The following FADS2 variants were observed in gnomAD, a reference collection of about 807,000 sequenced individuals.
FADS2 encodes the protein fatty acid desaturase 2, also known as acyl-CoA 6-desaturase.
FADS2 carries 18 observed loss-of-function variants against 61.2 expected under a neutral mutation model. That is an observed-to-expected ratio of 0.29 (90% CI 0.20 to 0.44). The LOEUF (loss-of-function observed/expected upper bound fraction) is 0.44. Among genes scored for constraint, FADS2 ranks in the 20% least tolerant of loss-of-function variants. FADS2 has a pLI of 1.00. For synonymous variants in FADS2, 203 were observed against 223.9 expected, an observed-to-expected ratio of 0.91 and a Z score of 0.83; for missense variants, 322 against 572.7, an observed-to-expected ratio of 0.56 and a Z score of 4.47.
At position 61,857,581 on chromosome 11, in the gene FADS2, AG is replaced by A. The variant is rs762458535; in HGVS notation, c.882+56del. On this transcript the variant is annotated intron_variant, in intron 7 of 11. Coordinates refer to ENST00000278840, the MANE Select transcript of FADS2 (RefSeq NM_004265.4). The stretch of plus-strand genomic sequence containing the variant: ...GCATGGGGAGGAGGGTGACTGGGAC[AG>A]GGGGACCCGGGGGTCCTACGCTGCC... 1.1e-4 allele frequency: 171 copies of A among 1,534,292 alleles called. 2 individuals carry two copies. Among genetic ancestry groups the A allele is most frequent in the South Asian group, 9.8e-4 (88 of 89,460 alleles).
At chr11:61,859,231 A>G (rs2067392116) in intron 7 of FADS2, among the ~76,000 whole-genome samples, 1 of 151,864 alleles carries the variant, frequency 6.6e-6, no homozygotes, top group African/African-American at 2.4e-5. Flanking sequence ...CTAATTTTGT[A>G]TTTTTAGCAG....
intron 7 of FADS2, among the ~76,000 whole-genome samples, chr11:61,859,846 C>T (rs1398281206): frequency 2.0e-5 from 3 of 152,184 alleles, no homozygotes; most frequent in African/African-American, 2.4e-5. Context: ...ATTAGCCTGG[C>T]ATGGTGGTGT....
chr11:61,863,624 TG>T, intron 9 of FADS2, 82 bp from the exon 10 acceptor site: 1 of 1,211,094 alleles, frequency 8.3e-7, no homozygotes, highest in Non-Finnish European at 1.2e-6. Flanking sequence ...CTGGAGACCC[TG>T]GGTAAGGCTG....
chr11:61,860,873 A>C (rs1332389002), intron 7 of FADS2, among the ~76,000 whole-genome samples: 1 of 152,152 alleles, frequency 6.6e-6, no homozygotes, highest in African/African-American at 2.4e-5. Context: ...ACACCACTGC[A>C]CTCAAGCCTG....
Position 61,821,530 on chromosome 11 carries a change from C to A in FADS2, c.141+5104C>A, listed in dbSNP as rs537368069. The A allele has an allele frequency of 1.0e-5, 7 of 670,912 alleles. No individual in the cohort carries two copies. The African/African-American group carries it at 1.1e-4, about 10-fold the overall frequency. 41.6% of individuals were successfully genotyped at this position (670,912 alleles called of 1,614,324 possible). A position where few individuals can be genotyped will look rare whatever the true frequency, so the allele number is the denominator to read the frequency against. On this transcript the variant is annotated intron_variant, in intron 1 of 11. Coordinates refer to the FADS2 transcript ENST00000257261. ...CTAAACATAATAGTTGGCCAATAGC[C>A]TGGATCCTTTACAAAGTCAACACAT...
chr11:61,854,016 G>C (rs966665767), intron 5 of FADS2, among the ~76,000 whole-genome samples: 1 of 152,216 alleles, frequency 6.6e-6, no homozygotes, highest in South Asian at 2.1e-4. Flanking sequence ...GCCAGGGCTG[G>C]CTGCACTCCC....
chr11:61,840,905 C>T (rs911829801), intron 4 of FADS2, among the ~76,000 whole-genome samples, 180 bp downstream of exon 4: 5 of 152,132 alleles, frequency 3.3e-5, no homozygotes, highest in African/African-American at 9.7e-5. Flanking sequence ...GGATCAGGTC[C>T]GAACCACAAA....
At chr11:61,863,871 G>A in intron 10 of FADS2, 85 bp downstream of exon 10, 3 of 1,077,200 alleles carry the variant, frequency 2.8e-6, no homozygotes, top group Non-Finnish European at 4.3e-6. Flanking sequence ...GCAGAATGTG[G>A]GGGCCACCTC....
chr11:61,863,223 C>A, intron 8 of FADS2, 59 bp from the exon 9 acceptor site: 1 of 1,475,038 alleles, frequency 6.8e-7, no homozygotes, highest in Non-Finnish European at 9.5e-7. Context: ...GAGAGTGGAT[C>A]TGTTCCCACT....
chr11:61,830,374 T>C (rs2067118954), intron 1 of FADS2, among the ~76,000 whole-genome samples: 1 of 152,282 alleles, frequency 6.6e-6, no homozygotes, highest in African/African-American at 2.4e-5. Flanking sequence ...TTGACCTTTC[T>C]GGTTTAATTA....
At position 61,816,266 on chromosome 11, in the gene FADS2, G is replaced by T; in HGVS notation, c.-20G>T. ...GTTCTGTCCCCGCCCAGAGACCTGA[G>T]GCTCGGGGCTGCAGATGGAATGCAC... On this transcript the variant is annotated 5_prime_UTR_variant, in exon 1 of 12. Coordinates refer to the FADS2 transcript ENST00000257261. The surrounding 1 kb of genome is among the most constrained non-coding windows in gnomAD (Gnocchi z 7.0). The T allele has an allele frequency of 6.3e-7, 1 of 1,598,162 alleles. No homozygotes were observed. The highest frequency in any genetic ancestry group is 8.5e-7 in the Non-Finnish European group (1 of 1,179,664).
chr11:61,844,863 T>G (rs1439884142), intron 4 of FADS2, among the ~76,000 whole-genome samples: 5 of 149,688 alleles, frequency 3.3e-5, no homozygotes, highest in African/African-American at 1.2e-4. Flanking sequence ...AGGTAGAGGT[T>G]GCAGTGAGCC....
At chr11:61,863,899 G>GA in intron 10 of FADS2, 113 bp downstream of exon 10, 1 of 888,042 alleles carries the variant, frequency 1.1e-6, no homozygotes, top group Non-Finnish European at 1.8e-6. Context: ...CTCTGACAAG[G>GA]TCTCTGCCCA....
chr11:61,863,480 G>T, intron 9 of FADS2, 102 bp downstream of exon 9: 1 of 948,780 alleles, frequency 1.1e-6, no homozygotes, highest in South Asian at 1.4e-5. Context: ...GGGCCTCCCG[G>T]GGCTGCCTGT....
At chr11:61,825,629 A>G (rs1389785539), upstream of FADS2, among the ~76,000 whole-genome samples, 2 of 150,320 alleles carry the variant, frequency 1.3e-5, no homozygotes, top group Non-Finnish European at 3.0e-5. Context: ...AAAAAAAAAA[A>G]AAAAGAAAGA....
At chr11:61,857,900 C>T (rs989765211) in intron 7 of FADS2, among the ~76,000 whole-genome samples, 1 of 152,212 alleles carries the variant, frequency 6.6e-6, no homozygotes, top group African/African-American at 2.4e-5. Flanking sequence ...GTTGGAGCAG[C>T]TGGGCGTTGG....
At position 61,865,730 on chromosome 11, in the gene FADS2, G is replaced by T. The variant is rs187427493; in HGVS notation, c.*41G>T. Reference sequence around the variant, plus strand: ...GACACCGTGGGGAAGGGGTGCAGGTGGGGTGATGGCCAGAGGAATGATGGG... The same window carrying T: ...GACACCGTGGGGAAGGGGTGCAGGTTGGGTGATGGCCAGAGGAATGATGGG... On this transcript the variant is annotated 3_prime_UTR_variant, in exon 12 of 12. Coordinates refer to ENST00000278840, the MANE Select transcript of FADS2 (RefSeq NM_004265.4). This position sits in a 1 kb window ranked among gnomAD's most constrained non-coding sequence, Gnocchi z 4.1. 569 of 1,563,992 alleles carry T rather than the reference G, an allele frequency of 3.6e-4. 3 individuals carry two copies. In the African/African-American group the frequency reaches 6.4e-3, roughly 18 times the overall value.
At chr11:61,862,714 G>T in intron 7 of FADS2, 1 of 494,228 alleles carries the variant, frequency 2.0e-6, no homozygotes, top group Non-Finnish European at 3.7e-6. Flanking sequence ...CTGCCCCTCA[G>T]CAGGAGGGTC....
intron 7 of FADS2, among the ~76,000 whole-genome samples, chr11:61,859,761 C>T (rs543047699): frequency 7.1e-6 from 1 of 140,886 alleles, no homozygotes; most frequent in Non-Finnish European, 1.5e-5. Context: ...CCGAGGCGGG[C>T]AGATCATGAG....
Sources: gnomAD v4.1 joint callset for allele counts (sites outside exome capture counted in the v4.1 genomes callset) on GRCh38, gnomAD v4.1.1 for gene constraint, Gnocchi (gnomAD v3.1) non-coding constraint, MANE v1.5 for transcripts, NCBI Gene and HGNC (gene_info 2026-07-23, HGNC 2026-07-21) for gene names.